ZBBX: variants seen among roughly 807,000 people sequenced by gnomAD.
The protein encoded by ZBBX is zinc finger B-box domain containing, also known as zinc finger B-box domain-containing protein 1.
In ZBBX, 101 loss-of-function variants were observed where a neutral mutation model predicts 108.5. The ratio of observed to expected loss-of-function variants is 0.93; its 90% confidence interval spans 0.79 to 1.10. The LOEUF (loss-of-function observed/expected upper bound fraction) is 1.10. ZBBX is among the 50% of genes least tolerant of loss of function. The pLI is 0.00. For missense variants in ZBBX, 1,009 were observed against 941.4 expected, an observed-to-expected ratio of 1.07 and a Z score of -0.94; for synonymous variants, 356 against 323.4, an observed-to-expected ratio of 1.10 and a Z score of -1.08.
the ZBBX span, among the ~76,000 whole-genome samples, chr3:167,208,988 A>T: frequency 2.6e-5 from 4 of 152,122 alleles, no homozygotes; most frequent in Non-Finnish European, 4.4e-5. Flanking sequence ...CTGGCTGAAG[A>T]GCGCTTGGGT....
chr3:167,325,349 T>C (rs1366803143), intron 11 of ZBBX, among the ~76,000 whole-genome samples: 1 of 152,076 alleles, frequency 6.6e-6, no homozygotes, highest in African/African-American at 2.4e-5. Flanking sequence ...ACTTCTTACA[T>C]GGTGGTGGGC....
chr3:167,359,972 C>T lies in ZBBX; in HGVS notation c.330G>A (p.Val110=). The T allele has an allele frequency of 6.4e-7, 1 of 1,573,894 alleles. No homozygotes were observed. The highest frequency in any genetic ancestry group is 8.7e-7 in the Non-Finnish European group (1 of 1,153,948). The part of the protein sequence containing the change: ...KLLKEQIQEP[V]KPTVNYKMAN... ...CCATTTTATAATTAACTGTTGGTTT[C>T]ACTGGCTCTGCAAGATAAAAAATAA... Residue 110 remains valine (V), a synonymous_variant, in exon 8 of 22, where the codon GTG becomes GTA. Transcript: ENST00000675490.
intron 10 of ZBBX, among the ~76,000 whole-genome samples, chr3:167,332,975 T>A (rs920479502): frequency 5.3e-5 from 8 of 152,122 alleles, no homozygotes; most frequent in Non-Finnish European, 1.2e-4. Flanking sequence ...TTATTATAAT[T>A]AGGAGGCAGT....
chr3:167,338,518 T>C (rs1319865600), intron 9 of ZBBX, among the ~76,000 whole-genome samples: 1 of 144,908 alleles, frequency 6.9e-6, no homozygotes, highest in Non-Finnish European at 1.5e-5. Flanking sequence ...CATATCTCCT[T>C]AAGTGATCCA....
At chr3:167,285,646 G>A (rs1253453216) in intron 19 of ZBBX, among the ~76,000 whole-genome samples, 5 of 152,110 alleles carry the variant, frequency 3.3e-5, no homozygotes, top group Admixed American at 6.6e-5. Flanking sequence ...ATAGTAGAAC[G>A]TCTTAAATTC....
At position 167,360,678 on chromosome 3, in the gene ZBBX, G is replaced by T. The variant is rs1387339659; in HGVS notation, c.319C>A (p.Gln107Lys). The change falls in exon 7 of 22, where the codon CAA (glutamine) becomes AAA (lysine). Residue 107 changes from glutamine (Q) to lysine (K), a missense_variant. Physicochemically the swap from Gln to Lys is moderately conservative, Grantham distance 53. Transcript: ENST00000675490. ...VKLKLLKEQI[Q>K]EPVKPTVNYK... ...AACATGGTGATAAATTATTTACCTT[G>T]AATCTGTTCCTTCAGCAATTTTAAT... 1 of 1,376,416 alleles carries T rather than the reference G, an allele frequency of 7.3e-7. No homozygotes were observed. Among genetic ancestry groups the T allele is most frequent in the Non-Finnish European group, 9.5e-7 (1 of 1,049,106 alleles). The allele number at this position is 1,376,416 out of a possible 1,614,324, so 85.3% of individuals were successfully genotyped here. A position where few individuals can be genotyped will look rare whatever the true frequency, so the allele number is the denominator to read the frequency against.
At chr3:167,179,415 C>T in the ZBBX span, among the ~76,000 whole-genome samples, 1 of 152,238 alleles carries the variant, frequency 6.6e-6, no homozygotes, top group Non-Finnish European at 1.5e-5. Context: ...GCAGTAGCAA[C>T]TAGGCCATCA....
At chr3:167,273,678 C>G (rs1726951421) in intron 20 of ZBBX, among the ~76,000 whole-genome samples, 1 of 152,056 alleles carries the variant, frequency 6.6e-6, no homozygotes, top group Non-Finnish European at 1.5e-5. Context: ...GACACTCTGC[C>G]AGGTAACTGG....
At chr3:167,184,469 C>A in the ZBBX span, among the ~76,000 whole-genome samples, 3 of 152,046 alleles carry the variant, frequency 2.0e-5, no homozygotes, top group East Asian at 5.8e-4. Context: ...ACTAAATATG[C>A]CCTCATCATA....
At chr3:167,267,003 C>T (rs1015366247) in intron 20 of ZBBX, among the ~76,000 whole-genome samples, 1 of 152,158 alleles carries the variant, frequency 6.6e-6, no homozygotes, top group Non-Finnish European at 1.5e-5. Context: ...GAAAATGGGG[C>T]TCACATACTG....
the ZBBX span, among the ~76,000 whole-genome samples, chr3:167,185,872 C>T: frequency 2.0e-5 from 3 of 152,008 alleles, no homozygotes; most frequent in Non-Finnish European, 4.4e-5. Context: ...ATTGACTTAG[C>T]CTTTCCTCAT....
At chr3:167,363,323 C>T (rs1744818327) in intron 6 of ZBBX, among the ~76,000 whole-genome samples, 1 of 152,030 alleles carries the variant, frequency 6.6e-6, no homozygotes, top group Admixed American at 6.6e-5. Flanking sequence ...TCTTCATTCC[C>T]AAGAACTCAA....
At chr3:167,363,708 T>C (rs1404575035) in intron 6 of ZBBX, among the ~76,000 whole-genome samples, 1 of 152,096 alleles carries the variant, frequency 6.6e-6, no homozygotes, top group Non-Finnish European at 1.5e-5. Flanking sequence ...ATAAAGTCTT[T>C]CCTTGATTCT....
At chr3:167,277,984 T>C (rs1467559000) in intron 20 of ZBBX, among the ~76,000 whole-genome samples, 3 of 148,308 alleles carry the variant, frequency 2.0e-5, no homozygotes, top group African/African-American at 5.0e-5. Context: ...CTGAACAACC[T>C]GCTCCTGAAT....
chr3:167,405,597 A>T (rs1402606227), intron 1 of ZBBX, among the ~76,000 whole-genome samples: 1 of 152,176 alleles, frequency 6.6e-6, no homozygotes, highest in Non-Finnish European at 1.5e-5. Context: ...AAAAATATGA[A>T]GGTGAAGAAA....
At chr3:167,296,307 G>A (rs960193153) in intron 18 of ZBBX, among the ~76,000 whole-genome samples, 10 of 152,002 alleles carry the variant, frequency 6.6e-5, no homozygotes, top group African/African-American at 2.4e-4. Flanking sequence ...ACTCAATGGT[G>A]AAAAATAGAA....
At chr3:167,180,303 A>G in the ZBBX span, among the ~76,000 whole-genome samples, 26 of 152,232 alleles carry the variant, frequency 1.7e-4, no homozygotes, top group African/African-American at 5.8e-4. Flanking sequence ...TACTCATGGC[A>G]TAAGTAGGAA....
chr3:167,204,539 T>A, the ZBBX span, among the ~76,000 whole-genome samples: 1 of 148,810 alleles, frequency 6.7e-6, no homozygotes, highest in African/African-American at 2.5e-5. Context: ...ATGGTTTCCA[T>A]TTTCATCCAT....
chr3:167,271,510 T>C (rs1029010137), intron 20 of ZBBX, among the ~76,000 whole-genome samples: 1 of 151,920 alleles, frequency 6.6e-6, no homozygotes, highest in Non-Finnish European at 1.5e-5. Context: ...AGAAGGAAAA[T>C]GGGTATTACC....
Sources: gnomAD v4.1 joint callset for allele counts (sites outside exome capture counted in the v4.1 genomes callset) on GRCh38, gnomAD v4.1.1 for gene constraint, MANE v1.5 for transcripts, NCBI Gene and HGNC (gene_info 2026-07-23, HGNC 2026-07-21) for gene names.